Variants in SLCO4A1 observed in about 807,000 individuals in gnomAD.
SLCO4A1 encodes the protein solute carrier organic anion transporter family member 4A1, also known as colon organic anion transporter.
SLCO4A1 carries 51 observed loss-of-function variants against 64.6 expected under a neutral mutation model. The ratio of observed to expected loss-of-function variants is 0.79; its 90% CI spans 0.63 to 1.00. The LOEUF (loss-of-function observed/expected upper bound fraction) is 1.00. SLCO4A1 is among the 50% of genes least tolerant of loss of function. The pLI is 0.00. For synonymous variants in SLCO4A1, 471 were observed against 444.9 expected (o/e 1.06, Z -0.74); for missense variants, 919 against 980.5 (o/e 0.94, Z 0.84).
chr20:62,664,291 C>T (rs1015759243), intron 5 of SLCO4A1, among the ~76,000 whole-genome samples: 4 of 152,196 alleles, frequency 2.6e-5, no homozygotes, highest in African/African-American at 9.7e-5. Context: ...CAAGTGCAAA[C>T]CAAGCTAGCC....
chr20:62,676,788 A>G (rs938072991), downstream of SLCO4A1, among the ~76,000 whole-genome samples: 5 of 152,256 alleles, frequency 3.3e-5, no homozygotes, highest in African/African-American at 1.2e-4. Flanking sequence ...TTCCACACCT[A>G]GTATCTACCC....
chr20:62,678,451 A>G (rs1987688015), intron 2 of SLCO4A1, among the ~76,000 whole-genome samples: 1 of 152,140 alleles, frequency 6.6e-6, no homozygotes, highest in Admixed American at 6.5e-5. Flanking sequence ...CCTTCTTATA[A>G]CACAGAAATT....
chr20:62,657,258 G>C lies in SLCO4A1; in HGVS notation c.796+8G>C. The C allele has an allele frequency of 6.6e-7, 1 of 1,511,804 alleles. No individual in the cohort carries two copies. Among genetic ancestry groups the C allele is most frequent in the South Asian group, 1.2e-5 (1 of 80,536 alleles). The allele number at this position is 1,511,804 out of a possible 1,614,324, so 93.6% of individuals were successfully genotyped here. A position where few individuals can be genotyped will look rare whatever the true frequency, so the allele number is the denominator to read the frequency against. ...GCTCGCCCGTCTACATTGGTGAGTG[G>C]GGCTGGCGGGGTAAGTGCTGGCAGG... On this transcript the variant is annotated splice_region_variant and intron_variant, in intron 2 of 11. Coordinates refer to ENST00000217159, the MANE Select transcript of SLCO4A1 (RefSeq NM_016354.4).
chr20:62,674,284 G>T (rs569031735), downstream of SLCO4A1, among the ~76,000 whole-genome samples: 1 of 152,216 alleles, frequency 6.6e-6, no homozygotes, highest in Non-Finnish European at 1.5e-5. Flanking sequence ...CTGAGCATCC[G>T]TGTGGAGGTG....
At chr20:62,653,275 G>A (rs977736657) in intron 1 of SLCO4A1, among the ~76,000 whole-genome samples, 21 of 152,286 alleles carry the variant, frequency 1.4e-4, no homozygotes, top group African/African-American at 3.9e-4. Flanking sequence ...AGCTTTGGGG[G>A]CTCAATCCTG....
downstream of SLCO4A1, among the ~76,000 whole-genome samples, chr20:62,674,648 C>T (rs1011380611): frequency 6.6e-6 from 1 of 152,150 alleles, no homozygotes; most frequent in African/African-American, 2.4e-5. Flanking sequence ...TGGGCAGAGG[C>T]AGGGGCTGTG....
At chr20:62,667,541 G>C in intron 7 of SLCO4A1, 1 of 605,772 alleles carries the variant, frequency 1.7e-6, no homozygotes, top group Non-Finnish European at 2.9e-6. Context: ...TGCCTTCCTT[G>C]CGTGAGGAGG....
At chr20:62,678,739 G>C (rs1987700954) in intron 2 of SLCO4A1, among the ~76,000 whole-genome samples, 1 of 152,136 alleles carries the variant, frequency 6.6e-6, no homozygotes, top group Admixed American at 6.5e-5. Context: ...CCGTGAGAGG[G>C]GGGCACTGTT....
rs541185327 is a variant in SLCO4A1, at chr20:62,655,533, G to A, written c.-96-826G>A. ...TCCAGGAATTGGTGTGGGGAGTGAG[G>A]CGGTGCCCTGTGGAGCCTCGGGATG... On this transcript the variant is annotated intron_variant, in intron 1 of 11. Coordinates refer to ENST00000217159, the MANE Select transcript of SLCO4A1 (RefSeq NM_016354.4). Among the ~76,000 whole-genome samples, 148 of 152,362 alleles carry A rather than the reference G, an allele frequency of 9.7e-4. 1 individual carries two copies. In the South Asian group the frequency reaches 0.011, roughly 12 times the overall value.
chr20:62,666,758 A>C, intron 7 of SLCO4A1, 183 bp downstream of exon 7: 1 of 615,594 alleles, frequency 1.6e-6, no homozygotes, highest in Non-Finnish European at 2.9e-6. Context: ...AAAAGGCACC[A>C]TGCCAGCCCC....
In SLCO4A1 at chr20:62,657,141, C is replaced by T; in HGVS notation, c.687C>T (p.Val229=). 6 of 1,567,020 alleles carry T rather than the reference C, an allele frequency of 3.8e-6. No individual in the cohort carries two copies. The highest frequency in any genetic ancestry group is 5.2e-6 in the Non-Finnish European group (6 of 1,157,184). The change falls in exon 2 of 12, where the codon GTC becomes GTT. Residue 229 remains valine, a synonymous_variant. Coordinates refer to ENST00000217159, the MANE Select transcript of SLCO4A1 (RefSeq NM_016354.4). ...CGGGCCTGTCCCGCTACCAGCTGGT[C>T]TTCATGCTGGGCCAGTTCCTGCATG... is the stretch of plus-strand genomic sequence containing the variant. The part of the protein sequence containing the change: ...STSGLSRYQL[V]FMLGQFLHGV...
chr20:62,676,172 T>C (rs1409445267), downstream of SLCO4A1, among the ~76,000 whole-genome samples: 2 of 152,126 alleles, frequency 1.3e-5, no homozygotes, highest in Non-Finnish European at 2.9e-5. Flanking sequence ...CCCAGCACTT[T>C]GGGAGGCTGA....
At chr20:62,690,065 C>T (rs1600707262), downstream of SLCO4A1, among the ~76,000 whole-genome samples, 2 of 152,358 alleles carry the variant, frequency 1.3e-5, no homozygotes, top group East Asian at 3.9e-4. Context: ...AGCCCCCTTG[C>T]CTGGTGAGTG....
At chr20:62,690,477 C>G (rs1988191676), downstream of SLCO4A1, among the ~76,000 whole-genome samples, 1 of 152,208 alleles carries the variant, frequency 6.6e-6, no homozygotes, top group South Asian at 2.1e-4. Flanking sequence ...CGCCCTCCAC[C>G]GAGCCGCAGG....
At chr20:62,670,633 C>T (rs950575480) in intron 11 of SLCO4A1, among the ~76,000 whole-genome samples, 3 of 152,214 alleles carry the variant, frequency 2.0e-5, no homozygotes, top group African/African-American at 4.8e-5. Flanking sequence ...GGAGCCGTCC[C>T]CAGACTCTCT....
In SLCO4A1 at chr20:62,666,564, C is replaced by T. The variant is rs1986380199; in HGVS notation, c.1461C>T (p.Ser487=). 1 of 1,612,226 alleles carries T rather than the reference C, an allele frequency of 6.2e-7. No individual in the cohort carries two copies. The stretch of plus-strand genomic sequence containing the variant: ...TGCCCATGGCGGGCGTCACAGCCAG[C>T]TACGGCGGGAGGTGAGGGCCAGATG... The part of the protein sequence containing the change: ...PSVPMAGVTA[S]YGGSLLPEGH... Residue 487 remains serine (S), a synonymous_variant, in exon 7 of 12, where the codon AGC becomes AGT. Transcript: ENST00000217159.
At chr20:62,653,263 C>T (rs966616000) in intron 1 of SLCO4A1, among the ~76,000 whole-genome samples, 2 of 152,156 alleles carry the variant, frequency 1.3e-5, no homozygotes, top group Non-Finnish European at 2.9e-5. Flanking sequence ...GACCCAGAGC[C>T]CAGCTTTGGG....
chr20:62,686,843 A>G (rs1027975682), downstream of SLCO4A1, among the ~76,000 whole-genome samples: 19 of 151,912 alleles, frequency 1.3e-4, no homozygotes, highest in African/African-American at 4.6e-4. Flanking sequence ...GTGCCCCCGA[A>G]CAGGCACGAT....
At chr20:62,658,880 G>T in intron 3 of SLCO4A1, 113 bp downstream of exon 3, 1 of 903,670 alleles carries the variant, frequency 1.1e-6, no homozygotes, top group Non-Finnish European at 1.7e-6. Context: ...CGCAGGTGCT[G>T]GGCACCCCCC....
Sources: gnomAD v4.1 joint callset for allele counts (sites outside exome capture counted in the v4.1 genomes callset) on GRCh38, gnomAD v4.1.1 for gene constraint, MANE v1.5 for transcripts, NCBI Gene and HGNC (gene_info 2026-07-23, HGNC 2026-07-21) for gene names.